CNKSR2: variants seen among roughly 807,000 people sequenced by gnomAD.
CNKSR2 encodes CNK homolog protein 2.
In CNKSR2, 14 loss-of-function variants were observed where a neutral mutation model predicts 84.4. The observed-to-expected ratio is 0.17, with a 90% CI of 0.11 to 0.26. The LOEUF is 0.26. Ranked by LOEUF, CNKSR2 falls within the 10% of genes least tolerant of loss-of-function variation. The probability of loss-of-function intolerance (pLI) is 1.00; values close to 1 mark genes in which losing one functional copy is unlikely to be tolerated. For synonymous variants in CNKSR2, 275 were observed against 277.9 expected, an observed-to-expected ratio of 0.99 and a Z score of 0.10; for missense variants, 485 against 771.2, an observed-to-expected ratio of 0.63 and a Z score of 4.40.
Position 21,454,063 on chromosome X carries a change from A to C in CNKSR2, c.519+13282A>C, listed in dbSNP as rs778175859. On this transcript the variant is annotated intron_variant, in intron 4 of 21. Coordinates refer to ENST00000379510, the MANE Select transcript of CNKSR2 (RefSeq NM_014927.5). Reference sequence around the variant, plus strand: ...GCCTTTCCACATATTTGTTTTGCCCAGTACAATTCTTCCAACTTTAGTTCC... The same window carrying C: ...GCCTTTCCACATATTTGTTTTGCCCCGTACAATTCTTCCAACTTTAGTTCC... Among the ~76,000 whole-genome samples the C allele has an allele frequency of 4.5e-5, 5 of 111,913 alleles. No homozygotes were observed. In the South Asian group the frequency reaches 1.9e-3, roughly 42 times the overall value.
At chrX:21,492,593 G>A (rs1289807053) in intron 6 of CNKSR2, 1 of 110,963 alleles carries the variant, frequency 9.0e-6, no homozygotes, top group Admixed American at 9.6e-5. Flanking sequence ...TTGCTAAACA[G>A]GTATGAGAAG....
chrX:21,437,760 A>G (rs5904565), intron 3 of CNKSR2, among the ~76,000 whole-genome samples: 3 of 110,172 alleles, frequency 2.7e-5, no homozygotes, highest in Non-Finnish European at 5.7e-5. Context: ...GGCCTAATTT[A>G]TATTCTATAA....
intron 1 of CNKSR2, among the ~76,000 whole-genome samples, chrX:21,417,525 C>G (rs1400718888): frequency 6.3e-5 from 7 of 111,492 alleles, no homozygotes; most frequent in Non-Finnish European, 1.3e-4. Flanking sequence ...AAGTCTCCAG[C>G]TATTATTATA....
In CNKSR2 at chrX:21,652,095, G is replaced by C. The variant is rs143799534; in HGVS notation, c.2890-211G>C. Among the ~76,000 whole-genome samples, 220 of 111,868 alleles carry C rather than the reference G, an allele frequency of 2.0e-3. 2 individuals are homozygous for C. The highest frequency in any genetic ancestry group is 6.9e-3 in the African/African-American group (214 of 30,815). The stretch of plus-strand genomic sequence containing the variant: ...AGAGATGGGCAAAAGGACAGGCAAA[G>C]AGAAAAAGCAAACCACACAGTGGGC... On this transcript the variant is annotated intron_variant, in intron 21 of 21. Transcript: ENST00000379510.
chrX:21,562,421 G>A (rs1314686306), intron 12 of CNKSR2, among the ~76,000 whole-genome samples: 2 of 111,617 alleles, frequency 1.8e-5, no homozygotes, highest in East Asian at 2.8e-4. Context: ...GCACAGATCC[G>A]CAGACCATAT....
intron 1 of CNKSR2, among the ~76,000 whole-genome samples, chrX:21,420,469 A>C (rs1280332225): frequency 8.9e-6 from 1 of 112,074 alleles, no homozygotes; most frequent in Non-Finnish European, 1.9e-5. Flanking sequence ...TTGAAGCAGA[A>C]GGAATTGTGC....
At chrX:21,531,677 C>T (rs376540597) in intron 10 of CNKSR2, among the ~76,000 whole-genome samples, 179 bp from the exon 11 acceptor site, 2 of 111,263 alleles carry the variant, frequency 1.8e-5, no homozygotes, top group East Asian at 5.7e-4. Flanking sequence ...TTCTGAGACT[C>T]ACCATTTTGT....
chrX:21,515,604 A>G (rs1383083622), intron 8 of CNKSR2, among the ~76,000 whole-genome samples: 1 of 111,513 alleles, frequency 9.0e-6, no homozygotes, highest in Non-Finnish European at 1.9e-5. Flanking sequence ...TCTTTAAAGC[A>G]TAGTTTCTAG....
At chrX:21,541,924 G>A (rs2091980582) in intron 11 of CNKSR2, among the ~76,000 whole-genome samples, 2 of 111,245 alleles carry the variant, frequency 1.8e-5, no homozygotes, top group Admixed American at 1.9e-4. Flanking sequence ...TTTAATTGTA[G>A]GTAAATAATT....
intron 20 of CNKSR2, among the ~76,000 whole-genome samples, chrX:21,626,244 TAAAAAAAAAAAA>T (rs397895953): frequency 9.8e-5 from 4 of 40,931 alleles, no homozygotes; most frequent in Non-Finnish European, 1.6e-4. Context: ...TTCTAGGTGG[TAAAAAAAAAAAA>T]AAAAAAAAAA....
intron 4 of CNKSR2, among the ~76,000 whole-genome samples, chrX:21,459,991 T>C (rs2091041587): frequency 8.9e-6 from 1 of 111,945 alleles, no homozygotes; most frequent in African/African-American, 3.2e-5. Context: ...GTAATATCAC[T>C]TTCTTCATTT....
At chrX:21,456,804 A>G (rs1164140406) in intron 4 of CNKSR2, among the ~76,000 whole-genome samples, 3 of 111,535 alleles carry the variant, frequency 2.7e-5, no homozygotes, top group Non-Finnish European at 5.7e-5. Flanking sequence ...TGTTTTCCAT[A>G]GTGACTGTAC....
At chrX:21,571,532 G>T (rs758636123) in intron 13 of CNKSR2, among the ~76,000 whole-genome samples, 3 of 111,984 alleles carry the variant, frequency 2.7e-5, no homozygotes, top group Non-Finnish European at 3.8e-5. Context: ...TCTTCAAAAT[G>T]ATCCTATGAG....
chrX:21,406,683 A>G (rs1020735017), intron 1 of CNKSR2, among the ~76,000 whole-genome samples: 2 of 111,492 alleles, frequency 1.8e-5, no homozygotes, highest in African/African-American at 6.5e-5. Flanking sequence ...AAAGTATTCC[A>G]TAAAGTTTAT....
At chrX:21,509,865 TCACATAGATTG>T in intron 8 of CNKSR2, among the ~76,000 whole-genome samples, 1 of 112,050 alleles carries the variant, frequency 8.9e-6, no homozygotes, top group South Asian at 3.7e-4. Flanking sequence ...GCTATTTCCT[TCACATAGATTG>T]TTTTCCCAAA....
intron 11 of CNKSR2, among the ~76,000 whole-genome samples, chrX:21,544,659 G>A (rs1218422798): frequency 9.0e-6 from 1 of 111,290 alleles, no homozygotes; most frequent in Non-Finnish European, 1.9e-5. Context: ...GCAGAAGGTG[G>A]GTAATTTCTG....
rs188148484 is a variant in CNKSR2, at chrX:21,566,331, G to A, written c.1608+2879G>A. Among the ~76,000 whole-genome samples the A allele has an allele frequency of 2.7e-5, 3 of 111,916 alleles. No individual in the cohort carries two copies. In the Admixed American group the frequency reaches 2.8e-4, roughly 11 times the overall value. Reference sequence around the variant, plus strand: ...GGACCTTGGAGACAAAACAACATACGCTTAAATAATAGCTTTTTATATTTC... The same window carrying A: ...GGACCTTGGAGACAAAACAACATACACTTAAATAATAGCTTTTTATATTTC... On this transcript the variant is annotated intron_variant, in intron 13 of 21. Coordinates refer to ENST00000379510, the MANE Select transcript of CNKSR2 (RefSeq NM_014927.5).
chrX:21,425,131 C>G (rs774569171), intron 1 of CNKSR2: 1 of 111,870 alleles, frequency 8.9e-6, no homozygotes, highest in African/African-American at 3.2e-5. Context: ...CCCATATTCT[C>G]TAGATATCCT....
chrX:21,516,391 A>AC (rs3838943), intron 8 of CNKSR2, 94 bp from the exon 9 acceptor site: 118,231 of 907,404 alleles, frequency 0.13, 4,958 homozygotes, highest in East Asian at 0.27. Context: ...CAATTATGTG[A>AC]CTTTTTTTTT....
Sources: gnomAD v4.1 joint callset for allele counts (sites outside exome capture counted in the v4.1 genomes callset) on GRCh38, gnomAD v4.1.1 for gene constraint, MANE v1.5 for transcripts, NCBI Gene and HGNC (gene_info 2026-07-23, HGNC 2026-07-21) for gene names.